Variants in ELAVL4 observed in about 807,000 individuals in gnomAD.
ELAVL4 encodes the protein ELAV like RNA binding protein 4.
ELAVL4 carries 1 observed loss-of-function variant against 35.6 expected under a neutral mutation model. That is an observed-to-expected ratio of 0.03 (90% CI 0.01 to 0.13). The LOEUF (loss-of-function observed/expected upper bound fraction) is 0.13, where lower values mean the gene tolerates loss of function less well. ELAVL4 is among the 10% of genes least tolerant of loss of function. ELAVL4 has a pLI of 1.00. For missense variants in ELAVL4, 267 were observed against 464.9 expected, an observed-to-expected ratio of 0.57 and a Z score of 3.91; for synonymous variants, 156 against 171.0, an observed-to-expected ratio of 0.91 and a Z score of 0.69.
chr1:50,177,374 G>A (rs1680229263), intron 3 of ELAVL4, among the ~76,000 whole-genome samples, 182 bp downstream of exon 3: 1 of 152,198 alleles, frequency 6.6e-6, no homozygotes, highest in South Asian at 2.1e-4. Context: ...GGTGAGGGTT[G>A]AGTAGAGGGA....
intron 1 of ELAVL4, among the ~76,000 whole-genome samples, chr1:50,118,330 T>A (rs535348932): frequency 6.6e-6 from 1 of 152,080 alleles, no homozygotes; most frequent in Non-Finnish European, 1.5e-5. Context: ...AGTGGCTTAA[T>A]GAGATTTTTG....
intron 1 of ELAVL4, among the ~76,000 whole-genome samples, chr1:50,135,034 G>A (rs755005273): frequency 1.3e-5 from 2 of 152,082 alleles, no homozygotes; most frequent in African/African-American, 2.4e-5. Context: ...ATTAAATTTT[G>A]ATTATGCTTT....
chr1:50,094,629 G>A (rs1665636956), intron 1 of ELAVL4, among the ~76,000 whole-genome samples: 1 of 152,004 alleles, frequency 6.6e-6, no homozygotes, highest in South Asian at 2.1e-4. Flanking sequence ...TAATTAGCTG[G>A]GTGTGATGGC....
intron 1 of ELAVL4, among the ~76,000 whole-genome samples, chr1:50,062,965 GT>G (rs762745349): frequency 4.7e-4 from 72 of 152,230 alleles, no homozygotes; most frequent in Non-Finnish European, 6.2e-4. Flanking sequence ...CCAGTGCCAG[GT>G]TCTGTTCACA....
intron 1 of ELAVL4, among the ~76,000 whole-genome samples, chr1:50,112,975 C>T (rs1042540393): frequency 6.6e-6 from 1 of 152,094 alleles, no homozygotes; most frequent in African/African-American, 2.4e-5. Flanking sequence ...ATGAACTGCG[C>T]ATTTGCCTTT....
At chr1:50,055,469 T>G (rs937532681) in intron 1 of ELAVL4, among the ~76,000 whole-genome samples, 75 of 151,848 alleles carry the variant, frequency 4.9e-4, no homozygotes, top group Non-Finnish European at 1.0e-3. Context: ...CCAGCTAATT[T>G]TTTGTATTTT....
At chr1:50,190,834 G>T (rs1439570758) in intron 3 of ELAVL4, among the ~76,000 whole-genome samples, 1 of 152,026 alleles carries the variant, frequency 6.6e-6, no homozygotes, top group Admixed American at 6.6e-5. Context: ...GCATTTATTG[G>T]GTGCCAGGTA....
chr1:50,048,133 G>T, exon 1 of ELAVL4: 1 of 1,510,156 alleles, frequency 6.6e-7, no homozygotes, highest in East Asian at 2.7e-5. Flanking sequence ...CCCAGCCTCC[G>T]CAGCCTCGGG....
At chr1:50,135,333 C>G (rs987761590) in intron 1 of ELAVL4, among the ~76,000 whole-genome samples, 18 of 152,044 alleles carry the variant, frequency 1.2e-4, no homozygotes, top group Non-Finnish European at 2.5e-4. Flanking sequence ...GGCATTTATA[C>G]CAGGAAAAGG....
chr1:50,162,446 G>A (rs1041733780), intron 2 of ELAVL4, among the ~76,000 whole-genome samples: 3 of 152,138 alleles, frequency 2.0e-5, no homozygotes, highest in African/African-American at 4.8e-5. Context: ...CAGGCACTTT[G>A]CTTGTTGCCA....
At chr1:50,060,309 G>A (rs1663893766) in intron 1 of ELAVL4, among the ~76,000 whole-genome samples, 1 of 152,252 alleles carries the variant, frequency 6.6e-6, no homozygotes, top group Admixed American at 6.5e-5. Context: ...TTAGGCACCT[G>A]CCGTCTGTTT....
rs1406724453 is a variant in ELAVL4, at chr1:50,147,089, A to G, written c.250+1892A>G. Among the ~76,000 whole-genome samples, 14 of 152,268 alleles carry G rather than the reference A, an allele frequency of 9.2e-5. No individual in the cohort carries two copies. In the South Asian group the frequency reaches 2.9e-3, roughly 32 times the overall value. On this transcript the variant is annotated intron_variant, in intron 2 of 6. Coordinates refer to ENST00000371824, the MANE Select transcript of ELAVL4 (RefSeq NM_001144774.3). ...GTTTAGCACCCTCTCCAGCACAAGC[A>G]GAGACATACAGTAGCATCTGAGCTT...
At chr1:50,162,852 AG>A (rs147855301) in intron 2 of ELAVL4, among the ~76,000 whole-genome samples, 3,727 of 152,294 alleles carry the variant, frequency 0.024, 153 homozygotes, top group African/African-American at 0.083. Flanking sequence ...CCAAAGTGCC[AG>A]GATTACTGGC....
intron 1 of ELAVL4, among the ~76,000 whole-genome samples, chr1:50,094,701 T>A (rs1160338709): frequency 1.3e-5 from 2 of 150,842 alleles, no homozygotes; most frequent in Non-Finnish European, 3.0e-5. Context: ...AGGTCAGGAG[T>A]TCGAGACCAG....
chr1:50,190,761 C>T (rs114402372), intron 3 of ELAVL4, among the ~76,000 whole-genome samples: 2,669 of 152,324 alleles, frequency 0.018, 79 homozygotes, highest in African/African-American at 0.061. Context: ...CACCCTGTTC[C>T]CTCTGTACCC....
chr1:50,114,407 C>T (rs1342704898), intron 1 of ELAVL4, among the ~76,000 whole-genome samples: 1 of 151,760 alleles, frequency 6.6e-6, no homozygotes, highest in Non-Finnish European at 1.5e-5. Flanking sequence ...TGTGAAATCT[C>T]CACGTATTTT....
At chr1:50,160,969 T>C (rs1394425221) in intron 2 of ELAVL4, among the ~76,000 whole-genome samples, 1 of 152,192 alleles carries the variant, frequency 6.6e-6, no homozygotes, top group African/African-American at 2.4e-5. Context: ...GCACAGACAT[T>C]TCACCCACAG....
intron 1 of ELAVL4, among the ~76,000 whole-genome samples, chr1:50,096,823 C>CAG (rs1264176775): frequency 1.1e-4 from 17 of 152,098 alleles, no homozygotes; most frequent in Admixed American, 6.5e-5. Context: ...ACACAAAATT[C>CAG]AGAGAGTATC....
intron 1 of ELAVL4, among the ~76,000 whole-genome samples, chr1:50,083,143 A>G (rs1242376576): frequency 6.6e-6 from 1 of 152,130 alleles, no homozygotes; most frequent in East Asian, 1.9e-4. Context: ...TGTAGCCTCA[A>G]ACTCCTGGGC....
Sources: allele counts gnomAD v4.1 joint callset (sites outside exome capture counted in the v4.1 genomes callset), GRCh38; gene constraint gnomAD v4.1.1; transcripts MANE v1.5; gene names NCBI Gene and HGNC (gene_info 2026-07-23, HGNC 2026-07-21).